The following NR2C1 variants were observed in gnomAD, a reference collection of about 807,000 sequenced individuals.
The protein encoded by NR2C1 is nuclear receptor subfamily 2 group C member 1, also known as TR2 nuclear hormone receptor.
Under a neutral mutation model 74.8 loss-of-function variants are expected in NR2C1, and 33 were observed. The observed-to-expected ratio is 0.44, with a 90% CI of 0.33 to 0.59. The LOEUF is 0.59. NR2C1 is among the 20% of genes least tolerant of loss of function. The pLI, the probability that NR2C1 is intolerant of heterozygous loss-of-function variation, is 0.02. For missense variants in NR2C1, 568 were observed against 715.6 expected (o/e 0.79, Z 2.35); for synonymous variants, 225 against 240.6 (o/e 0.94, Z 0.60).
At chr12:95,039,504 G>C (rs537936840) in intron 10 of NR2C1, among the ~76,000 whole-genome samples, 2 of 152,214 alleles carry the variant, frequency 1.3e-5, no homozygotes, top group African/African-American at 4.8e-5. Context: ...TTTTTCCATT[G>C]CTTTGCCTTT....
Position 95,058,249 on chromosome 12 carries a change from A to T in NR2C1, c.544+61T>A. Reference sequence around the variant, plus strand: ...TATTTGACATATTTTGTTAATTTCAATACTCTTGTAGTTTGCTGGAATCTT... The same window carrying T: ...TATTTGACATATTTTGTTAATTTCATTACTCTTGTAGTTTGCTGGAATCTT... On this transcript the variant is annotated intron_variant, in intron 5 of 13. Coordinates refer to ENST00000333003, the MANE Select transcript of NR2C1 (RefSeq NM_003297.4). 2.1e-6 allele frequency: 3 copies of T among 1,436,702 alleles called. 1 individual carries two copies. Among genetic ancestry groups the T allele is most frequent in the South Asian group, 1.3e-5 (1 of 74,208 alleles). The allele number at this position is 1,436,702 out of a possible 1,614,324, so 89.0% of individuals were successfully genotyped here.
chr12:95,059,078 G>A (rs11107880), intron 4 of NR2C1, among the ~76,000 whole-genome samples: 11,050 of 151,648 alleles, frequency 0.073, 491 homozygotes, highest in East Asian at 0.15. Context: ...AAGGCAGGTG[G>A]ATCACTTGAG....
chr12:95,027,855 A>G (rs1869556810), intron 12 of NR2C1, among the ~76,000 whole-genome samples: 1 of 152,204 alleles, frequency 6.6e-6, no homozygotes, highest in Non-Finnish European at 1.5e-5. Context: ...TCTACCCATT[A>G]GCAGTCACTT....
intron 2 of NR2C1, among the ~76,000 whole-genome samples, chr12:95,065,524 C>T (rs920309714): frequency 3.3e-5 from 5 of 151,686 alleles, no homozygotes; most frequent in African/African-American, 7.3e-5. Context: ...CTTTGGGGTA[C>T]GTGAGATGTT....
intron 10 of NR2C1, among the ~76,000 whole-genome samples, chr12:95,032,470 G>GAA (rs1382341182): frequency 7.2e-6 from 1 of 138,286 alleles, no homozygotes; most frequent in African/African-American, 2.8e-5. Context: ...AAAAAAAAAG[G>GAA]AAAAAAAAAA....
chr12:95,048,768 G>A (rs1872623720), intron 9 of NR2C1, among the ~76,000 whole-genome samples: 1 of 151,944 alleles, frequency 6.6e-6, no homozygotes, highest in Non-Finnish European at 1.5e-5. Context: ...GGGATTACAG[G>A]CATGCACCAT....
At chr12:95,058,948 G>T (rs1874326675) in intron 4 of NR2C1, among the ~76,000 whole-genome samples, 1 of 152,026 alleles carries the variant, frequency 6.6e-6, no homozygotes, top group African/African-American at 2.4e-5. Context: ...TATTATTAAA[G>T]ATCAGAAGTC....
At chr12:95,037,290 C>T (rs57235181) in intron 10 of NR2C1, among the ~76,000 whole-genome samples, 3,169 of 152,274 alleles carry the variant, frequency 0.021, 103 homozygotes, top group African/African-American at 0.072. Context: ...TTAAAACCAA[C>T]AACTGAATTA....
At chr12:95,022,809 C>T (rs1281208772) in intron 13 of NR2C1, among the ~76,000 whole-genome samples, 6 of 151,932 alleles carry the variant, frequency 3.9e-5, no homozygotes, top group Admixed American at 2.0e-4. Flanking sequence ...TCCTTCCCGC[C>T]TCAGCCTCCC....
At chr12:95,056,664 T>C (rs565164847) in intron 7 of NR2C1, among the ~76,000 whole-genome samples, 12 of 152,290 alleles carry the variant, frequency 7.9e-5, no homozygotes, top group African/African-American at 2.4e-4. Flanking sequence ...AAAAGAAATA[T>C]TAAGAATTGT....
intron 7 of NR2C1, 102 bp downstream of exon 7, chr12:95,057,451 G>C: frequency 1.3e-6 from 1 of 789,594 alleles, no homozygotes; most frequent in Admixed American, 3.1e-5. Context: ...CTTGTAATAT[G>C]GAATATTTAA....
At chr12:95,059,301 C>CA (rs202083036) in intron 4 of NR2C1, among the ~76,000 whole-genome samples, 56,768 of 137,228 alleles carry the variant, frequency 0.41, 11,623 homozygotes, top group Non-Finnish European at 0.47. Flanking sequence ...GACTCCATCT[C>CA]AAAAAAAAAA....
intron 2 of NR2C1, among the ~76,000 whole-genome samples, chr12:95,066,419 T>C (rs1026092065): frequency 2.0e-5 from 3 of 152,198 alleles, no homozygotes; most frequent in African/African-American, 4.8e-5. Flanking sequence ...TTCTTCACCA[T>C]ATATATACAT....
chr12:95,027,055 A>C (rs773897650), intron 12 of NR2C1, among the ~76,000 whole-genome samples: 3 of 152,134 alleles, frequency 2.0e-5, no homozygotes, highest in Non-Finnish European at 4.4e-5. Context: ...AACATTTTTT[A>C]CATTTTCATT....
intron 9 of NR2C1, among the ~76,000 whole-genome samples, chr12:95,048,338 G>A (rs903302820): frequency 1.3e-5 from 2 of 152,218 alleles, no homozygotes; most frequent in Non-Finnish European, 2.9e-5. Context: ...TATTGATTAC[G>A]ATATAGTAGT....
intron 8 of NR2C1, among the ~76,000 whole-genome samples, chr12:95,049,751 C>G (rs1382554944): frequency 1.3e-5 from 2 of 152,116 alleles, no homozygotes; most frequent in Non-Finnish European, 2.9e-5. Flanking sequence ...TTATTATACA[C>G]AGTACAATAG....
At chr12:95,069,512 C>A (rs1798453664) in intron 1 of NR2C1, among the ~76,000 whole-genome samples, 1 of 152,148 alleles carries the variant, frequency 6.6e-6, no homozygotes, top group Non-Finnish European at 1.5e-5. Context: ...AAATTAAGAG[C>A]AACAGGCTAT....
At position 95,073,574 on chromosome 12, in the gene NR2C1, C is replaced by G. The variant is rs545549270; in HGVS notation, c.-202G>C. On this transcript the variant is annotated 5_prime_UTR_variant, in exon 1 of 14. Coordinates refer to ENST00000333003, the MANE Select transcript of NR2C1 (RefSeq NM_003297.4). ...GGGTCAGAGTTCGTGACCTCTTTCTCGGCTCGGCGGCGCGCTATCCCGCCA... is the reference window on the plus strand; with the variant it reads ...GGGTCAGAGTTCGTGACCTCTTTCTGGGCTCGGCGGCGCGCTATCCCGCCA... 6.6e-6 allele frequency: 1 copy of G among 152,268 alleles called. No homozygotes were observed. The highest frequency in any genetic ancestry group is 1.5e-5 in the Non-Finnish European group (1 of 68,070). The allele number at this position is 152,268 out of a possible 1,614,324, so 9.4% of individuals were successfully genotyped here. A position where few individuals can be genotyped will look rare whatever the true frequency, so the allele number is the denominator to read the frequency against.
intron 10 of NR2C1, among the ~76,000 whole-genome samples, chr12:95,040,161 T>TA (rs1480025429): frequency 7.2e-6 from 1 of 139,608 alleles, no homozygotes; most frequent in Non-Finnish European, 1.6e-5. Context: ...AGGGCAGTCT[T>TA]ACAGTCTCTC....
Sources: allele counts gnomAD v4.1 joint callset (sites outside exome capture counted in the v4.1 genomes callset), GRCh38; gene constraint gnomAD v4.1.1; transcripts MANE v1.5; gene names NCBI Gene and HGNC (gene_info 2026-07-23, HGNC 2026-07-21).